MAN1C1: variants seen among roughly 807,000 people sequenced by gnomAD.
MAN1C1 encodes the protein mannosyl-oligosaccharide 1,2-alpha-mannosidase IC.
A neutral mutation model predicts 71.5 loss-of-function variants in MAN1C1; 49 were observed. That is an observed-to-expected ratio of 0.69 (90% CI 0.54 to 0.87). The LOEUF (loss-of-function observed/expected upper bound fraction) is 0.87. MAN1C1 is among the 40% of genes least tolerant of loss of function. The pLI, the probability that MAN1C1 is intolerant of heterozygous loss-of-function variation, is 0.00. For synonymous variants in MAN1C1, 352 were observed against 343.7 expected (o/e 1.02, Z -0.27); for missense variants, 743 against 835.0 (o/e 0.89, Z 1.36).
chr1:25,624,074 A>G (rs1348144303), intron 1 of MAN1C1, among the ~76,000 whole-genome samples: 2 of 152,200 alleles, frequency 1.3e-5, no homozygotes, highest in Non-Finnish European at 2.9e-5. Flanking sequence ...GCCTTTATGC[A>G]TAAACATTTG....
chr1:25,733,011 G>A (rs190605606), intron 2 of MAN1C1, among the ~76,000 whole-genome samples: 1 of 152,308 alleles, frequency 6.6e-6, no homozygotes, highest in East Asian at 1.9e-4. Context: ...GTGTCCGTGG[G>A]CCTGGGAGGC....
rs1047717910 is a variant in MAN1C1, at chr1:25,769,149, TCA to T, written c.1142-2503_1142-2502del. Among the ~76,000 whole-genome samples, 5 of 132,296 alleles carry T rather than the reference TCA, an allele frequency of 3.8e-5. No homozygotes were observed. The highest frequency in any genetic ancestry group is 1.5e-4 in the African/African-American group (5 of 33,886). The allele number at this position is 132,296 out of a possible 152,430, so 86.8% of individuals were successfully genotyped here. A position where few individuals can be genotyped will look rare whatever the true frequency, so the allele number is the denominator to read the frequency against. ...TCCCTTCACACACTACACACTCCCC[TCA>T]CACATTCCACACACACACCCCACAC... On this transcript the variant is annotated intron_variant, in intron 7 of 11. Transcript: ENST00000374332. This position sits in a 1 kb window ranked among gnomAD's most constrained non-coding sequence, Gnocchi z 4.8.
At chr1:25,628,951 T>C (rs1005689112) in intron 1 of MAN1C1, among the ~76,000 whole-genome samples, 2 of 152,214 alleles carry the variant, frequency 1.3e-5, no homozygotes, top group East Asian at 1.9e-4. Flanking sequence ...CTCCGTAGTA[T>C]TCCATGGCAT....
intron 2 of MAN1C1, among the ~76,000 whole-genome samples, chr1:25,706,469 G>A (rs1226853323): frequency 1.3e-5 from 2 of 152,158 alleles, no homozygotes; most frequent in Non-Finnish European, 2.9e-5. Context: ...AAGTTGTGCT[G>A]GGAGAGTCTG....
chr1:25,683,858 G>A (rs1047260392), intron 1 of MAN1C1, among the ~76,000 whole-genome samples: 2 of 152,212 alleles, frequency 1.3e-5, no homozygotes, highest in Non-Finnish European at 2.9e-5. Flanking sequence ...GGAGGCACGT[G>A]TGCATTGAGG....
intron 2 of MAN1C1, among the ~76,000 whole-genome samples, chr1:25,700,616 G>A (rs890627485): frequency 6.6e-6 from 1 of 152,214 alleles, no homozygotes; most frequent in Non-Finnish European, 1.5e-5. Context: ...ACATCTATGA[G>A]AAAGCGGGCA....
intron 1 of MAN1C1, among the ~76,000 whole-genome samples, chr1:25,632,237 G>A (rs1056092095): frequency 2.0e-5 from 3 of 152,164 alleles, no homozygotes; most frequent in Non-Finnish European, 4.4e-5. Flanking sequence ...ATCTAGGAGG[G>A]TTGTATGTTT....
Position 25,730,095 on chromosome 1 carries a change from C to T in MAN1C1, c.638-16573C>T, listed in dbSNP as rs1303408153. ...GCCTGATGCATCCTAGAATCTTCCT[C>T]ACCACTGTCCCCACCAGCACCAAGG... On this transcript the variant is annotated intron_variant, in intron 2 of 11. Coordinates refer to ENST00000374332, the MANE Select transcript of MAN1C1 (RefSeq NM_020379.4). This position sits in a 1 kb window ranked among gnomAD's most constrained non-coding sequence, Gnocchi z 4.3. 1.3e-5 allele frequency among the ~76,000 whole-genome samples: 2 copies of T among 152,176 alleles called. No individual in the cohort carries two copies. The highest frequency in any genetic ancestry group is 6.5e-5 in the Admixed American group (1 of 15,270).
In MAN1C1 at chr1:25,724,021, C is replaced by T. The variant is rs2046800574; in HGVS notation, c.638-22647C>T. On this transcript the variant is annotated intron_variant, in intron 2 of 11. Coordinates refer to ENST00000374332, the MANE Select transcript of MAN1C1 (RefSeq NM_020379.4). ...CCAGGCTGGGCAGGCCAAACGACTGCCTACCTTTTTTTTTTTTTTTTTTTG... is the reference window on the plus strand; with the variant it reads ...CCAGGCTGGGCAGGCCAAACGACTGTCTACCTTTTTTTTTTTTTTTTTTTG... Among the ~76,000 whole-genome samples, 3 of 151,516 alleles carry T rather than the reference C, an allele frequency of 2.0e-5. No homozygotes were observed. The South Asian group carries it at 6.3e-4, about 32-fold the overall frequency.
chr1:25,716,724 T>C (rs1183503492), intron 2 of MAN1C1, among the ~76,000 whole-genome samples: 1 of 152,216 alleles, frequency 6.6e-6, no homozygotes, highest in Non-Finnish European at 1.5e-5. Context: ...AATTTTTAAA[T>C]CCACTGTATT....
chr1:25,674,462 G>A (rs918566937), intron 1 of MAN1C1, among the ~76,000 whole-genome samples: 3 of 152,172 alleles, frequency 2.0e-5, no homozygotes, highest in Non-Finnish European at 4.4e-5. Context: ...TAATCATGCA[G>A]GGAAATAGAT....
At position 25,735,405 on chromosome 1, in the gene MAN1C1, C is replaced by T. The variant is rs186496665; in HGVS notation, c.638-11263C>T. Among the ~76,000 whole-genome samples, 55 of 151,952 alleles carry T rather than the reference C, an allele frequency of 3.6e-4. No individual in the cohort carries two copies. The East Asian group carries it at 7.9e-3, about 22-fold the overall frequency. ...CTGCACTCCATCCTGTGTGACAGAG[C>T]GAGACTGTGTCTCAAAATGTGTATG... On this transcript the variant is annotated intron_variant, in intron 2 of 11. Transcript: ENST00000374332. The surrounding 1 kb of genome is among the most constrained non-coding windows in gnomAD (Gnocchi z 4.6).
At chr1:25,743,842 C>T (rs979097176) in intron 2 of MAN1C1, among the ~76,000 whole-genome samples, 1 of 152,228 alleles carries the variant, frequency 6.6e-6, no homozygotes, top group Non-Finnish European at 1.5e-5. Context: ...GAAGGACATA[C>T]GGCCTGGGCC....
chr1:25,628,236 CTA>C (rs1014437047), intron 1 of MAN1C1, among the ~76,000 whole-genome samples: 5 of 151,558 alleles, frequency 3.3e-5, no homozygotes, highest in African/African-American at 1.2e-4. Context: ...TTAACTATCT[CTA>C]TTTTACTTTT....
intron 2 of MAN1C1, among the ~76,000 whole-genome samples, chr1:25,720,204 C>CT (rs2046744455): frequency 6.9e-6 from 1 of 145,862 alleles, no homozygotes; most frequent in Admixed American, 6.9e-5. Flanking sequence ...ATATTCAAAT[C>CT]CTTTTTTTTT....
At chr1:25,633,629 A>G (rs964494205) in intron 1 of MAN1C1, among the ~76,000 whole-genome samples, 1 of 151,420 alleles carries the variant, frequency 6.6e-6, no homozygotes, top group African/African-American at 2.4e-5. Context: ...TTTGTGTGGA[A>G]TATCTTTTTC....
In MAN1C1 at chr1:25,768,674, CACAT is replaced by C. The variant is rs367826678; in HGVS notation, c.1142-2978_1142-2975del. On this transcript the variant is annotated intron_variant, in intron 7 of 11. Coordinates refer to ENST00000374332, the MANE Select transcript of MAN1C1 (RefSeq NM_020379.4). ...CACACACACAGACCCACACACCCCT[CACAT>C]ACATCCACGCTCCCTTAACACACAC... 1.9e-3 allele frequency among the ~76,000 whole-genome samples: 254 copies of C among 131,326 alleles called. 2 individuals are homozygous for C. Among genetic ancestry groups the C allele is most frequent in the African/African-American group, 7.0e-3 (247 of 35,102 alleles). The allele number at this position is 131,326 out of a possible 152,430, so 86.2% of individuals were successfully genotyped here.
chr1:25,743,733 G>A (rs1250022060), intron 2 of MAN1C1, among the ~76,000 whole-genome samples: 1 of 152,218 alleles, frequency 6.6e-6, no homozygotes, highest in Non-Finnish European at 1.5e-5. Flanking sequence ...TGCCCTCCCA[G>A]CCTGATCTAG....
chr1:25,682,079 T>C (rs2046163077), intron 1 of MAN1C1, among the ~76,000 whole-genome samples: 2 of 152,228 alleles, frequency 1.3e-5, no homozygotes, highest in South Asian at 4.1e-4. Flanking sequence ...TACGGATTGC[T>C]TGGCAGATTT....
Sources: allele counts gnomAD v4.1 joint callset (sites outside exome capture counted in the v4.1 genomes callset), GRCh38; gene constraint gnomAD v4.1.1; non-coding constraint Gnocchi (gnomAD v3.1); transcripts MANE v1.5; gene names NCBI Gene and HGNC (gene_info 2026-07-23, HGNC 2026-07-21).